Variants in DENND4C observed in about 807,000 individuals in gnomAD.
DENND4C encodes the protein DENN domain-containing protein 4C.
Under a neutral mutation model 203.0 loss-of-function variants are expected in DENND4C, and 108 were observed. That is an observed-to-expected ratio of 0.53 (90% CI 0.46 to 0.62). DENND4C has a LOEUF of 0.62. Ranked by LOEUF, DENND4C falls within the 20% of genes least tolerant of loss-of-function variation. The pLI is 0.00. For synonymous variants in DENND4C, 871 were observed against 792.4 expected, an observed-to-expected ratio of 1.10 and a Z score of -1.67; for missense variants, 2,481 against 2,301.2, an observed-to-expected ratio of 1.08 and a Z score of -1.60.
In DENND4C at chr9:19,290,729, G is replaced by A. The variant is rs199677464; in HGVS notation, c.654G>A (p.Glu218=). The part of the protein sequence containing the change: ...KAGLIFRYPE[E]DYESFPLSES... ...GTTTAATTTTTAGATATCCAGAAGA[G>A]GACTATGAGTCATTTCCACTCTCAG... The change falls in exon 5 of 33, where the codon GAG becomes GAA. Residue 218 remains glutamate (E), a synonymous_variant. Transcript: ENST00000434457. 5.2e-4 allele frequency: 796 copies of A among 1,534,420 alleles called. 5 individuals carry two copies. The African/African-American group carries it at 0.01, about 20-fold the overall frequency.
At chr9:19,258,180 C>A (rs550750690) in intron 1 of DENND4C, among the ~76,000 whole-genome samples, 59 of 152,150 alleles carry the variant, frequency 3.9e-4, no homozygotes, top group Admixed American at 1.2e-3. Context: ...GCCAAATAGC[C>A]TCGTATGTGT....
chr9:19,299,113 A>T, intron 7 of DENND4C, 116 bp from the exon 8 acceptor site: 1 of 699,072 alleles, frequency 1.4e-6, no homozygotes, highest in Non-Finnish European at 2.3e-6. Flanking sequence ...TTAAATTATT[A>T]ATGTTTTCAA....
chr9:19,304,137 C>G (rs953838679), intron 9 of DENND4C, among the ~76,000 whole-genome samples: 2 of 139,816 alleles, frequency 1.4e-5, no homozygotes, highest in Non-Finnish European at 1.6e-5. Context: ...GTTTTTTTCT[C>G]TTTTTTCTTT....
intron 1 of DENND4C, among the ~76,000 whole-genome samples, chr9:19,251,169 C>T (rs986920736): frequency 3.9e-5 from 6 of 152,238 alleles, no homozygotes; most frequent in Non-Finnish European, 7.3e-5. Context: ...GAAATCTAGG[C>T]GGTGGTTCGC....
Position 19,287,007 on chromosome 9 carries a change from T to G in DENND4C, c.544T>G (p.Leu182Val). Residue 182 changes from leucine (L) to valine (V), a missense_variant, in exon 3 of 33, where the codon TTA becomes GTA. This residue lies in a region of DENND4C where 2,289 missense variants were observed against 2,113.3 expected (regional missense o/e 1.08). Coordinates refer to ENST00000434457, the MANE Select transcript of DENND4C (RefSeq NM_001330640.2). ...TACCTTCTGCAAAGTTGACAAAAAC[T>G]TAAATTGTGGAATGGTAAGAATAAA... ...PHTFCKVDKNLNCGMWGSSVF... is the reference protein window; with the variant it reads ...PHTFCKVDKNVNCGMWGSSVF... The G allele has an allele frequency of 2.4e-6, 3 of 1,232,148 alleles. No homozygotes were observed. The highest frequency in any genetic ancestry group is 3.0e-6 in the Non-Finnish European group (3 of 987,948). The allele number at this position is 1,232,148 out of a possible 1,614,324, so 76.3% of individuals were successfully genotyped here.
rs1466962588 is a variant in DENND4C at position 19,325,938 on chromosome 9, G to A, written c.1954-1G>A. The A allele has an allele frequency of 6.2e-7, 1 of 1,602,436 alleles. No homozygotes were observed. The highest frequency in any genetic ancestry group is 8.5e-7 in the Non-Finnish European group (1 of 1,175,086). Reference sequence around the variant, plus strand: ...TAAGAATCTGTTTTCTTTTTTTCTAGTTGTTTCCTGATAAAGGCACAGAGA... The same window carrying A: ...TAAGAATCTGTTTTCTTTTTTTCTAATTGTTTCCTGATAAAGGCACAGAGA... On this transcript the variant is annotated splice_acceptor_variant, in intron 13 of 32. Transcript: ENST00000434457. LOFTEE classifies it high-confidence loss of function.
intron 12 of DENND4C, among the ~76,000 whole-genome samples, chr9:19,318,299 A>T (rs527816064): frequency 1.8e-4 from 28 of 152,316 alleles, no homozygotes; most frequent in African/African-American, 5.3e-4. Flanking sequence ...AGCCTGGGCG[A>T]CAAGAGTGAA....
chr9:19,371,910 A>G (rs1056387322), intron 32 of DENND4C, 90 bp downstream of exon 32: 2 of 1,315,930 alleles, frequency 1.5e-6, no homozygotes, highest in East Asian at 4.7e-5. Flanking sequence ...TGTATAAAAG[A>G]TTTAAAAGAT....
At chr9:19,343,774 A>G (rs1179357659) in intron 22 of DENND4C, among the ~76,000 whole-genome samples, 1 of 152,258 alleles carries the variant, frequency 6.6e-6, no homozygotes, top group African/African-American at 2.4e-5. Context: ...TGAACTGGAC[A>G]TCGTCTGTGG....
chr9:19,235,053 C>G (rs1035813890), intron 1 of DENND4C, among the ~76,000 whole-genome samples: 1 of 151,836 alleles, frequency 6.6e-6, no homozygotes, highest in African/African-American at 2.4e-5. Flanking sequence ...CAACCTCGGC[C>G]TCCCAGATGA....
Position 19,315,539 on chromosome 9 carries a change from A to G in DENND4C, c.1488-878A>G, listed in dbSNP as rs13295074. 1.8e-3 allele frequency among the ~76,000 whole-genome samples: 276 copies of G among 151,198 alleles called. 5 individuals are homozygous for G. The highest frequency in any genetic ancestry group is 1.6e-3 in the Non-Finnish European group (111 of 67,846). ...TATATACATGTATATATGTATGTGT[A>G]TATATATACGTGTATATATGTATGT... is the stretch of plus-strand genomic sequence containing the variant. On this transcript the variant is annotated intron_variant, in intron 10 of 32. Transcript: ENST00000434457.
chr9:19,253,920 T>C (rs1827271752), intron 1 of DENND4C, among the ~76,000 whole-genome samples: 1 of 152,148 alleles, frequency 6.6e-6, no homozygotes, highest in South Asian at 2.1e-4. Context: ...GCAGGTGGAT[T>C]GCTTGAGCCC....
At chr9:19,271,201 C>CCTTTTTTTTTT (rs1564105379) in intron 1 of DENND4C, among the ~76,000 whole-genome samples, 1 of 129,082 alleles carries the variant, frequency 7.7e-6, no homozygotes, top group Non-Finnish European at 1.6e-5. Flanking sequence ...AATATGGATT[C>CCTTTTTTTTTT]TTTTTTTTTT....
In DENND4C at chr9:19,360,286, C is replaced by G. The variant is rs746570764; in HGVS notation, c.5203C>G (p.Pro1735Ala). The G allele has an allele frequency of 4.3e-6, 7 of 1,613,682 alleles. No individual in the cohort carries two copies. Among genetic ancestry groups the G allele is most frequent in the Non-Finnish European group, 5.1e-6 (6 of 1,179,834 alleles). ...ACCCAATCCTCCCCCTGTTTCTGTG[C>G]CCTACTTGAGTCCTCTAGTACTCCG... ...KRPNPPPVSV[P>A]YLSPLVLRKE... is the part of the protein sequence containing the mutation. The change falls in exon 29 of 33, where the codon CCC becomes GCC. Residue 1735 changes from proline (P) to alanine (A), a missense_variant. Physicochemically the swap from Pro to Ala is conservative, Grantham distance 27 (BLOSUM62 -1). Transcript: ENST00000434457.
intron 1 of DENND4C, among the ~76,000 whole-genome samples, chr9:19,272,565 T>G (rs1349147488): frequency 1.3e-5 from 2 of 151,888 alleles, no homozygotes; most frequent in Non-Finnish European, 2.9e-5. Context: ...CCAGAATAGT[T>G]TTTTCAACGC....
intron 1 of DENND4C, among the ~76,000 whole-genome samples, chr9:19,244,940 C>G (rs1402486092): frequency 6.6e-6 from 1 of 152,142 alleles, no homozygotes; most frequent in African/African-American, 2.4e-5. Flanking sequence ...ACTTTGAGCA[C>G]AGCTCATGTT....
At chr9:19,258,719 A>G (rs1175041864) in intron 1 of DENND4C, among the ~76,000 whole-genome samples, 1 of 151,646 alleles carries the variant, frequency 6.6e-6, no homozygotes, top group Non-Finnish European at 1.5e-5. Flanking sequence ...CAGTGGCGTG[A>G]TCTCGGCTCA....
intron 16 of DENND4C, among the ~76,000 whole-genome samples, chr9:19,330,315 AATTAATAT>A (rs1178059656): frequency 1.3e-5 from 2 of 149,738 alleles, no homozygotes; most frequent in Admixed American, 6.7e-5. Flanking sequence ...TCAAAAGTAA[AATTAATAT>A]ACCAAGTTGG....
At chr9:19,311,211 C>T (rs1403782867) in intron 10 of DENND4C, among the ~76,000 whole-genome samples, 1 of 152,078 alleles carries the variant, frequency 6.6e-6, no homozygotes, top group African/African-American at 2.4e-5. Flanking sequence ...GCAACCTCCA[C>T]CTCCTGGGTT....
Sources: gnomAD v4.1 joint callset for allele counts (sites outside exome capture counted in the v4.1 genomes callset) on GRCh38, gnomAD v4.1.1 for gene constraint, gnomAD v4.1.1 regional missense constraint, MANE v1.5 for transcripts, NCBI Gene and HGNC (gene_info 2026-07-23, HGNC 2026-07-21) for gene names.